The following CDH23 variants were observed in gnomAD, a reference collection of about 807,000 sequenced individuals.
CDH23 encodes cadherin-23.
CDH23 carries 189 observed loss-of-function variants against 317.1 expected under a neutral mutation model. That is an observed-to-expected ratio of 0.60 (90% CI 0.53 to 0.67). The LOEUF (loss-of-function observed/expected upper bound fraction) is 0.67, where lower values mean the gene tolerates loss of function less well. Ranked by LOEUF, CDH23 falls within the 30% of genes least tolerant of loss-of-function variation. The probability of loss-of-function intolerance (pLI) is 0.00; values close to 1 mark genes in which losing one functional copy is unlikely to be tolerated. For synonymous variants in CDH23, 1,839 were observed against 1,876.8 expected (o/e 0.98, Z 0.52); for missense variants, 4,401 against 4,592.4 (o/e 0.96, Z 1.20).
At chr10:71,538,102 G>GA in intron 6 of CDH23, among the ~76,000 whole-genome samples, 1 of 152,196 alleles carries the variant, frequency 6.6e-6, no homozygotes, top group East Asian at 1.9e-4. Context: ...GCAAGGCCAG[G>GA]AAAAAGATAC....
rs1589355503 is a variant in CDH23, at chr10:71,706,769, C to T, written c.2954-128C>T. 4.2e-6 allele frequency: 6 copies of T among 1,441,146 alleles called. No homozygotes were observed. The East Asian group carries it at 1.5e-4, about 36-fold the overall frequency. The allele number at this position is 1,441,146 out of a possible 1,614,324, so 89.3% of individuals were successfully genotyped here. A position where few individuals can be genotyped will look rare whatever the true frequency, so the allele number is the denominator to read the frequency against. On this transcript the variant is annotated intron_variant, in intron 25 of 69. Transcript: ENST00000224721. ...TGGCCAGGAGGTGTTGACACAGATG[C>T]CACTTGGAGCCCGTGACTCCCTTGG... is the stretch of plus-strand genomic sequence containing the variant.
intron 27 of CDH23, among the ~76,000 whole-genome samples, chr10:71,709,663 T>G (rs1865904267): frequency 6.6e-6 from 1 of 152,150 alleles, no homozygotes; most frequent in African/African-American, 2.4e-5. Flanking sequence ...ACAAAACCAG[T>G]CCACTGGGAG....
At chr10:71,537,080 T>G (rs951202331) in intron 6 of CDH23, among the ~76,000 whole-genome samples, 1 of 151,660 alleles carries the variant, frequency 6.6e-6, no homozygotes, top group Non-Finnish European at 1.5e-5. Context: ...CTCCAACTGC[T>G]CCCCCCAGCT....
At chr10:71,658,921 G>A (rs181498851) in intron 14 of CDH23, among the ~76,000 whole-genome samples, 3 of 152,274 alleles carry the variant, frequency 2.0e-5, no homozygotes, top group Admixed American at 2.0e-4. Flanking sequence ...TCACTCCCTG[G>A]GTGACCTTGA....
At chr10:71,437,386 A>G (rs2131997939) in intron 1 of CDH23, among the ~76,000 whole-genome samples, 1 of 152,360 alleles carries the variant, frequency 6.6e-6, no homozygotes, top group South Asian at 2.1e-4. Context: ...GCCCATCAGT[A>G]AGGGATGAAA....
chr10:71,813,907 A>G (rs982907114), intron 69 of CDH23, among the ~76,000 whole-genome samples: 1 of 152,234 alleles, frequency 6.6e-6, no homozygotes, highest in African/African-American at 2.4e-5. Context: ...CTTGTCTCAA[A>G]AAAAAAGGAA....
intron 38 of CDH23, among the ~76,000 whole-genome samples, chr10:71,776,616 A>C (rs1210567934): frequency 6.6e-6 from 1 of 152,218 alleles, no homozygotes; most frequent in Non-Finnish European, 1.5e-5. Context: ...AGAGACTAGC[A>C]CCAACCACAG....
intron 14 of CDH23, among the ~76,000 whole-genome samples, chr10:71,657,841 C>T (rs1863482223): frequency 6.6e-6 from 1 of 152,116 alleles, no homozygotes; most frequent in Non-Finnish European, 1.5e-5. Flanking sequence ...TTCCAATTTC[C>T]CCACCGTTTA....
rs886551558 is a variant in CDH23 at position 71,784,502 on chromosome 10, T to G, written c.5502+82T>G. Reference sequence around the variant, plus strand: ...GAGATTCTTGTAAACATTGTTACCCTTGTGCCAAGAGAGGCCACAGGCTGC... The same window carrying G: ...GAGATTCTTGTAAACATTGTTACCCGTGTGCCAAGAGAGGCCACAGGCTGC... On this transcript the variant is annotated intron_variant, in intron 42 of 69. Transcript: ENST00000224721. 3.9e-6 allele frequency: 6 copies of G among 1,541,338 alleles called. No individual in the cohort carries two copies. The East Asian group carries it at 1.4e-4, about 35-fold the overall frequency.
chr10:71,614,120 G>A (rs771973986), intron 9 of CDH23, among the ~76,000 whole-genome samples: 5 of 152,174 alleles, frequency 3.3e-5, no homozygotes, highest in Non-Finnish European at 5.9e-5. Context: ...CTCCTCTATG[G>A]AGCTTTCCTT....
intron 1 of CDH23, among the ~76,000 whole-genome samples, chr10:71,418,845 G>A (rs1404115955): frequency 6.6e-6 from 1 of 152,162 alleles, no homozygotes; most frequent in Non-Finnish European, 1.5e-5. Context: ...GTAACCTTGG[G>A]TTAATGACCT....
intron 7 of CDH23, among the ~76,000 whole-genome samples, chr10:71,570,028 G>A (rs979048370): frequency 6.6e-6 from 1 of 152,112 alleles, no homozygotes; most frequent in African/African-American, 2.4e-5. Flanking sequence ...AGCCTCCTGA[G>A]CAGCTGGGAC....
chr10:71,698,431 A>T (rs1234888), intron 22 of CDH23, among the ~76,000 whole-genome samples: 1 of 151,846 alleles, frequency 6.6e-6, no homozygotes, highest in Non-Finnish European at 1.5e-5. Context: ...AATAGCTAAC[A>T]GAGTTTCAGG....
chr10:71,783,010 G>A (rs539487479), intron 41 of CDH23, among the ~76,000 whole-genome samples: 1 of 152,310 alleles, frequency 6.6e-6, no homozygotes, highest in East Asian at 1.9e-4. Context: ...GGGGCGCCTG[G>A]GCCCCTGTCC....
intron 3 of CDH23, among the ~76,000 whole-genome samples, 191 bp downstream of exon 3, chr10:71,446,586 G>A (rs535954072): frequency 3.3e-5 from 5 of 152,162 alleles, no homozygotes; most frequent in East Asian, 3.9e-4. Flanking sequence ...AGCTCTGAAC[G>A]TCAAAGGGTT....
intron 42 of CDH23, 71 bp from the exon 43 acceptor site, chr10:71,784,820 T>C (rs1249097042): frequency 7.7e-7 from 1 of 1,301,082 alleles, no homozygotes; most frequent in East Asian, 2.3e-5. Flanking sequence ...TTGGCGAACC[T>C]CCTCCTCGGT....
At chr10:71,529,892 T>C (rs1035380027) in intron 6 of CDH23, among the ~76,000 whole-genome samples, 3 of 151,834 alleles carry the variant, frequency 2.0e-5, no homozygotes, top group African/African-American at 7.3e-5. Flanking sequence ...TGGGAACAGG[T>C]CTGCTGCAAG....
chr10:71,582,758 A>G (rs573976074), intron 9 of CDH23, among the ~76,000 whole-genome samples: 2 of 152,280 alleles, frequency 1.3e-5, no homozygotes, highest in African/African-American at 4.8e-5. Context: ...CCCACAGTTG[A>G]CCGAGGGCCT....
chr10:71,776,213 T>G (rs1840813910), intron 38 of CDH23, among the ~76,000 whole-genome samples: 1 of 152,222 alleles, frequency 6.6e-6, no homozygotes, highest in Admixed American at 6.5e-5. Flanking sequence ...CCCAATGCCC[T>G]CCACCCCCAA....
Sources: allele counts gnomAD v4.1 joint callset (sites outside exome capture counted in the v4.1 genomes callset), GRCh38; gene constraint gnomAD v4.1.1; transcripts MANE v1.5; gene names NCBI Gene and HGNC (gene_info 2026-07-23, HGNC 2026-07-21).